Variants in CNGB3 observed in about 807,000 individuals in gnomAD.
CNGB3 encodes the protein cyclic nucleotide-gated channel beta-3.
Under a neutral mutation model 92.8 loss-of-function variants are expected in CNGB3, and 86 were observed. The observed-to-expected ratio is 0.93, with a 90% CI of 0.78 to 1.11. CNGB3 has a LOEUF of 1.11. Ranked by LOEUF, CNGB3 falls within the 50% of genes least tolerant of loss-of-function variation. The pLI is 0.00. For synonymous variants in CNGB3, 333 were observed against 332.7 expected, an observed-to-expected ratio of 1.00 and a Z score of -0.01; for missense variants, 1,026 against 956.8, an observed-to-expected ratio of 1.07 and a Z score of -0.95.
chr8:86,728,682 C>A (rs1443558587), intron 2 of CNGB3, among the ~76,000 whole-genome samples: 1 of 152,096 alleles, frequency 6.6e-6, no homozygotes, highest in Non-Finnish European at 1.5e-5. Context: ...GTTGTATATA[C>A]CTTTTATTAC....
Position 86,575,751 on chromosome 8 carries a change from A to T in CNGB3, c.*53T>A. ...CCTCGTTAATTTAAGTTACAATCCTAGGTACAATCACTTTGGGAACTAGCT... is the reference window on the plus strand; with the variant it reads ...CCTCGTTAATTTAAGTTACAATCCTTGGTACAATCACTTTGGGAACTAGCT... On this transcript the variant is annotated 3_prime_UTR_variant, in exon 18 of 18. Coordinates refer to ENST00000320005, the MANE Select transcript of CNGB3 (RefSeq NM_019098.5). 6.6e-7 allele frequency: 1 copy of T among 1,505,774 alleles called. No individual in the cohort carries two copies. The highest frequency in any genetic ancestry group is 9.2e-7 in the Non-Finnish European group (1 of 1,084,348). The allele number at this position is 1,505,774 out of a possible 1,614,324, so 93.3% of individuals were successfully genotyped here.
At chr8:86,619,220 C>G (rs1822677482) in intron 13 of CNGB3, among the ~76,000 whole-genome samples, 2 of 152,150 alleles carry the variant, frequency 1.3e-5, no homozygotes, top group Admixed American at 6.5e-5. Context: ...AAGTTTCTCC[C>G]GTTTCTGGTA....
chr8:86,657,894 G>A (rs974086977), intron 6 of CNGB3: 8 of 544,462 alleles, frequency 1.5e-5, no homozygotes, highest in African/African-American at 3.8e-5. Flanking sequence ...GGGTTCAGAC[G>A]CTGGGACCCC....
chr8:86,603,703 G>T (rs1440731465), intron 15 of CNGB3, among the ~76,000 whole-genome samples: 1 of 152,254 alleles, frequency 6.6e-6, no homozygotes, highest in South Asian at 2.1e-4. Flanking sequence ...CAGGAAATTT[G>T]GTCCCACAGC....
intron 4 of CNGB3, among the ~76,000 whole-genome samples, 167 bp from the exon 5 acceptor site, chr8:86,668,335 G>A (rs532035851): frequency 5.9e-5 from 9 of 151,912 alleles, no homozygotes; most frequent in East Asian, 5.8e-4. Flanking sequence ...GGGGTCTATC[G>A]GGGGGTGGGG....
chr8:86,648,538 T>G (rs1823335358), intron 7 of CNGB3, among the ~76,000 whole-genome samples: 1 of 151,204 alleles, frequency 6.6e-6, no homozygotes, highest in Admixed American at 6.6e-5. Flanking sequence ...CTAAGAAATT[T>G]TCAAAAATTG....
chr8:86,623,673 A>C (rs1805243868), intron 13 of CNGB3, among the ~76,000 whole-genome samples: 1 of 152,208 alleles, frequency 6.6e-6, no homozygotes, highest in Non-Finnish European at 1.5e-5. Flanking sequence ...TTTTTGAAGA[A>C]GACACCATTA....
chr8:86,659,218 C>A, intron 6 of CNGB3: 2 of 730,886 alleles, frequency 2.7e-6, no homozygotes, highest in Admixed American at 1.8e-5. Flanking sequence ...TACCGCATGG[C>A]CCTCCCTCCT....
chr8:86,594,211 C>T (rs1363310806), intron 15 of CNGB3: 1 of 269,768 alleles, frequency 3.7e-6, no homozygotes. Flanking sequence ...CCAAGACCTT[C>T]CCTAGGTCAT....
At chr8:86,614,137 T>C (rs1341226392) in intron 13 of CNGB3, among the ~76,000 whole-genome samples, 1 of 151,956 alleles carries the variant, frequency 6.6e-6, no homozygotes. Flanking sequence ...GTGGGATCAG[T>C]CACACTTGAC....
chr8:86,609,776 C>T (rs960637833), intron 14 of CNGB3, among the ~76,000 whole-genome samples: 2 of 152,178 alleles, frequency 1.3e-5, no homozygotes, highest in African/African-American at 2.4e-5. Context: ...CTTGGATATG[C>T]CAAGCTCCAT....
At chr8:86,694,355 A>AC (rs1246464131) in intron 3 of CNGB3, among the ~76,000 whole-genome samples, 32 of 109,328 alleles carry the variant, frequency 2.9e-4, no homozygotes, top group African/African-American at 9.8e-4. Flanking sequence ...CGGGGGGCTG[A>AC]CCCCCCCACT....
chr8:86,627,358 G>T (rs1822870170), intron 12 of CNGB3, among the ~76,000 whole-genome samples: 1 of 152,136 alleles, frequency 6.6e-6, no homozygotes. Flanking sequence ...ATGCCTTCAA[G>T]TAGCTGCAGA....
At chr8:86,638,344 A>G (rs1479289917) in intron 10 of CNGB3, among the ~76,000 whole-genome samples, 1 of 152,104 alleles carries the variant, frequency 6.6e-6, no homozygotes, top group African/African-American at 2.4e-5. Flanking sequence ...CTCTAACAAT[A>G]TGTGAGTTCC....
intron 3 of CNGB3, among the ~76,000 whole-genome samples, chr8:86,711,384 C>G (rs1824747484): frequency 6.6e-6 from 1 of 152,162 alleles, no homozygotes; most frequent in African/African-American, 2.4e-5. Context: ...CATGGCTCTC[C>G]TCACTTTGCT....
chr8:86,632,648 G>T, intron 11 of CNGB3, 104 bp downstream of exon 11: 1 of 1,222,372 alleles, frequency 8.2e-7, no homozygotes, highest in South Asian at 1.3e-5. Flanking sequence ...TTCAAAAAAA[G>T]AAGAACCAGA....
At chr8:86,673,282 T>C (rs988896033) in intron 3 of CNGB3, among the ~76,000 whole-genome samples, 1 of 152,342 alleles carries the variant, frequency 6.6e-6, no homozygotes, top group Non-Finnish European at 1.5e-5. Flanking sequence ...GGAAGTACAC[T>C]GTCTTAAGGG....
At position 86,666,941 on chromosome 8, in the gene CNGB3, C is replaced by T. The variant is rs768800321; in HGVS notation, c.836G>A (p.Arg279Lys). The T allele has an allele frequency of 6.2e-7, 1 of 1,612,648 alleles. No homozygotes were observed. Among genetic ancestry groups the T allele is most frequent in the African/African-American group, 1.3e-5 (1 of 75,016 alleles). ...LFIQPRLQFV[R>K]GGDIIVDSNE... ...CCCACTTACTATTATGTCTCCTCCT[C>T]TTACAAACTGGAGTCTGGGCTGGAT... The change falls in exon 6 of 18, where the codon AGA (arginine) becomes AAA (lysine). Residue 279 changes from arginine (R) to lysine (K), a missense_variant. Arg to Lys is a conservative substitution (Grantham distance 26). Transcript: ENST00000320005.
intron 6 of CNGB3, chr8:86,658,927 C>A: frequency 9.9e-7 from 1 of 1,014,348 alleles, no homozygotes; most frequent in East Asian, 2.4e-5. Context: ...AGCAGCCTCT[C>A]CTCCTGCTCT....
Sources: gnomAD v4.1 joint callset for allele counts (sites outside exome capture counted in the v4.1 genomes callset) on GRCh38, gnomAD v4.1.1 for gene constraint, MANE v1.5 for transcripts, NCBI Gene and HGNC (gene_info 2026-07-23, HGNC 2026-07-21) for gene names.